Variants in AFG2A observed in about 807,000 individuals in gnomAD.
The protein encoded by AFG2A is ATPase family gene 2 protein homolog A.
the AFG2A span, among the ~76,000 whole-genome samples, chr4:123,021,227 T>A: frequency 8.6e-4 from 131 of 151,950 alleles, 2 homozygotes; most frequent in African/African-American, 2.4e-3. Flanking sequence ...TAAAAAAAAA[T>A]TTTAATGATT....
chr4:122,954,213 G>T, the AFG2A span, among the ~76,000 whole-genome samples: 1 of 152,240 alleles, frequency 6.6e-6, no homozygotes, highest in South Asian at 2.1e-4. Context: ...GGCATGCGAT[G>T]TATGCCATTC....
chr4:123,219,172 C>G, the AFG2A span, among the ~76,000 whole-genome samples: 5 of 152,278 alleles, frequency 3.3e-5, no homozygotes, highest in African/African-American at 1.2e-4. Context: ...CTGAGAGCCT[C>G]CAGGAGGCCG....
the AFG2A span, among the ~76,000 whole-genome samples, chr4:123,244,094 A>G: frequency 6.6e-6 from 1 of 152,212 alleles, no homozygotes; most frequent in African/African-American, 2.4e-5. Context: ...TTAAAAAAAA[A>G]GACATTATTT....
chr4:123,254,604 C>T, the AFG2A span, among the ~76,000 whole-genome samples: 1 of 152,154 alleles, frequency 6.6e-6, no homozygotes, highest in African/African-American at 2.4e-5. Flanking sequence ...TTTTTAACCA[C>T]TTTGAGATAA....
At chr4:123,210,090 T>G in the AFG2A span, among the ~76,000 whole-genome samples, 1 of 152,234 alleles carries the variant, frequency 6.6e-6, no homozygotes, top group Admixed American at 6.5e-5. Context: ...ACTAATTTTC[T>G]ATTTTATTTT....
chr4:123,248,406 A>G, the AFG2A span, among the ~76,000 whole-genome samples: 2 of 152,228 alleles, frequency 1.3e-5, no homozygotes, highest in African/African-American at 2.4e-5. Context: ...ATGAAATCGT[A>G]TTCCTGGAAC....
chr4:123,117,677 T>G, the AFG2A span, among the ~76,000 whole-genome samples: 2 of 151,720 alleles, frequency 1.3e-5, no homozygotes, highest in Admixed American at 6.6e-5. Context: ...GAATGCATGT[T>G]GTCGAAAAAG....
At chr4:122,947,547 A>C in the AFG2A span, 1 of 1,353,826 alleles carries the variant, frequency 7.4e-7, no homozygotes, top group Non-Finnish European at 9.6e-7. Context: ...GTTTACTTAC[A>C]TACAAATAAT....
At chr4:123,081,968 A>G in the AFG2A span, among the ~76,000 whole-genome samples, 17 of 151,856 alleles carry the variant, frequency 1.1e-4, no homozygotes, top group African/African-American at 4.1e-4. Flanking sequence ...TTTTTGGCCT[A>G]TTTTTTAATC....
chr4:123,220,026 T>C, the AFG2A span, among the ~76,000 whole-genome samples: 15 of 152,016 alleles, frequency 9.9e-5, no homozygotes, highest in Admixed American at 3.9e-4. Flanking sequence ...CATGCCACCA[T>C]GCCCAGCTAA....
the AFG2A span, among the ~76,000 whole-genome samples, chr4:122,951,450 A>ACACACG: frequency 6.6e-6 from 1 of 151,552 alleles, no homozygotes; most frequent in South Asian, 2.1e-4. Context: ...ACACACACAC[A>ACACACG]CACACACACG....
the AFG2A span, among the ~76,000 whole-genome samples, chr4:123,112,636 G>A: frequency 9.2e-5 from 14 of 152,258 alleles, no homozygotes; most frequent in African/African-American, 2.6e-4. Flanking sequence ...AGTACATACT[G>A]TAGAAGGTAG....
At chr4:122,980,234 G>A in the AFG2A span, among the ~76,000 whole-genome samples, 2 of 152,128 alleles carry the variant, frequency 1.3e-5, no homozygotes, top group Non-Finnish European at 2.9e-5. Flanking sequence ...ATATGAGTAA[G>A]ATCTTTTGTC....
At chr4:123,042,149 G>A in the AFG2A span, among the ~76,000 whole-genome samples, 1 of 152,120 alleles carries the variant, frequency 6.6e-6, no homozygotes, top group Non-Finnish European at 1.5e-5. Flanking sequence ...GAAGGTAATT[G>A]TCTTATTTCA....
the AFG2A span, among the ~76,000 whole-genome samples, chr4:122,935,284 A>G: frequency 7.2e-5 from 11 of 152,128 alleles, no homozygotes; most frequent in Non-Finnish European, 1.3e-4. Flanking sequence ...GTGTAAAATG[A>G]ACCCTTAGAT....
the AFG2A span, among the ~76,000 whole-genome samples, chr4:123,221,928 CA>C: frequency 2.8e-4 from 40 of 143,206 alleles, no homozygotes; most frequent in East Asian, 6.1e-4. Flanking sequence ...AACTCCATCT[CA>C]AAAAAAAAAA....
chr4:123,007,642 A>AACACACACAC, the AFG2A span, among the ~76,000 whole-genome samples: 21 of 25,520 alleles, frequency 8.2e-4, no homozygotes, highest in African/African-American at 1.9e-3. Context: ...ACACACACAC[A>AACACACACAC]ACACACACAC....
At chr4:123,237,183 A>G in the AFG2A span, among the ~76,000 whole-genome samples, 1 of 152,242 alleles carries the variant, frequency 6.6e-6, no homozygotes, top group Non-Finnish European at 1.5e-5. Context: ...GGAAATAGCC[A>G]TAGATAATAT....
the AFG2A span, among the ~76,000 whole-genome samples, chr4:123,169,413 G>A: frequency 6.6e-6 from 1 of 152,184 alleles, no homozygotes; most frequent in African/African-American, 2.4e-5. Context: ...GCCTAGGAAG[G>A]ATTAGTCCGA....
Sources: allele counts gnomAD v4.1 joint callset (sites outside exome capture counted in the v4.1 genomes callset), GRCh38; gene constraint gnomAD v4.1.1; transcripts MANE v1.5; gene names NCBI Gene and HGNC (gene_info 2026-07-23, HGNC 2026-07-21).